The following RFC3 variants were observed in gnomAD, a reference collection of about 807,000 sequenced individuals.
RFC3 encodes the protein A1 38 kDa subunit.
A neutral mutation model predicts 45.1 loss-of-function variants in RFC3; 41 were observed. The ratio of observed to expected loss-of-function variants is 0.91; its 90% CI spans 0.71 to 1.18. The LOEUF is 1.18. Among genes scored for constraint, RFC3 ranks in the 50% most tolerant of loss-of-function variants. The pLI, the probability that RFC3 is intolerant of heterozygous loss-of-function variation, is 0.00. For synonymous variants in RFC3, 149 were observed against 144.0 expected (o/e 1.03, Z -0.25); for missense variants, 423 against 428.1 (o/e 0.99, Z 0.10).
chr13:33,843,815 CT>C (rs2082217613), intron 8 of RFC3, among the ~76,000 whole-genome samples: 1 of 152,186 alleles, frequency 6.6e-6, no homozygotes, highest in African/African-American at 2.4e-5. Flanking sequence ...TCCACAATGC[CT>C]TTTTCAAAAC....
At chr13:33,851,529 T>C (rs2082276537) in intron 8 of RFC3, among the ~76,000 whole-genome samples, 2 of 152,134 alleles carry the variant, frequency 1.3e-5, no homozygotes, top group Admixed American at 6.6e-5. Flanking sequence ...TCTAAAAATA[T>C]ATATTTACTA....
At chr13:33,957,036 C>A (rs925693365) in intron 8 of RFC3, among the ~76,000 whole-genome samples, 5 of 152,188 alleles carry the variant, frequency 3.3e-5, no homozygotes, top group African/African-American at 7.2e-5. Context: ...TATCCATGAT[C>A]ATCGTCAACT....
intron 8 of RFC3, among the ~76,000 whole-genome samples, chr13:33,934,087 G>C (rs2082870904): frequency 6.6e-6 from 1 of 152,004 alleles, no homozygotes; most frequent in Non-Finnish European, 1.5e-5. Context: ...AGAGCATGTA[G>C]GAGGATGGCG....
intron 8 of RFC3, chr13:33,849,605 A>C (rs935725478): frequency 1.3e-5 from 2 of 152,120 alleles, no homozygotes; most frequent in African/African-American, 4.8e-5. Flanking sequence ...AGAGTAGGCC[A>C]GGCTCAGTGG....
chr13:33,958,619 C>T (rs1224940025), intron 8 of RFC3, among the ~76,000 whole-genome samples: 1 of 152,166 alleles, frequency 6.6e-6, no homozygotes, highest in Non-Finnish European at 1.5e-5. Context: ...AGGAAATAAT[C>T]TTGTTTACTA....
chr13:33,951,039 C>CTTTTTTTTTTTTTTTTTTT (rs926664684), intron 8 of RFC3, among the ~76,000 whole-genome samples: 1 of 60,804 alleles, frequency 1.6e-5, no homozygotes, highest in Non-Finnish European at 2.9e-5. Flanking sequence ...TCTGATGGCT[C>CTTTTTTTTTTTTTTTTTTT]TTTTTTTTTT....
chr13:33,886,205 A>G (rs1273193725), intron 8 of RFC3, among the ~76,000 whole-genome samples: 2 of 152,152 alleles, frequency 1.3e-5, no homozygotes, highest in Non-Finnish European at 2.9e-5. Context: ...GCGTAGACAT[A>G]GCCACATGCC....
chr13:33,904,071 T>C (rs1025749568), intron 8 of RFC3, among the ~76,000 whole-genome samples: 1 of 152,076 alleles, frequency 6.6e-6, no homozygotes, highest in African/African-American at 2.4e-5. Context: ...ATTTCTGAAA[T>C]GCTATCTGAA....
At chr13:33,972,943 C>T in the RFC3 span, among the ~76,000 whole-genome samples, 1 of 152,072 alleles carries the variant, frequency 6.6e-6, no homozygotes, top group Non-Finnish European at 1.5e-5. Context: ...GCATAAGAAT[C>T]GCCACAGTGA....
intron 8 of RFC3, among the ~76,000 whole-genome samples, chr13:33,924,486 A>G (rs1015491383): frequency 4.0e-5 from 6 of 151,888 alleles, no homozygotes; most frequent in Non-Finnish European, 7.4e-5. Flanking sequence ...ATGACAAAGT[A>G]GAGTAGTTGT....
intron 8 of RFC3, among the ~76,000 whole-genome samples, chr13:33,875,009 C>T (rs1243903672): frequency 1.3e-5 from 2 of 152,178 alleles, no homozygotes; most frequent in Admixed American, 6.5e-5. Flanking sequence ...ATTGAAAATG[C>T]AACAGCGGAT....
intron 8 of RFC3, among the ~76,000 whole-genome samples, chr13:33,957,163 G>T (rs1049201630): frequency 1.4e-4 from 22 of 152,090 alleles, no homozygotes; most frequent in African/African-American, 4.6e-4. Flanking sequence ...AAATGTGTAG[G>T]TTATTTATTT....
At chr13:33,848,072 A>G (rs2082251253) in intron 8 of RFC3, 1 of 152,184 alleles carries the variant, frequency 6.6e-6, no homozygotes, top group African/African-American at 2.4e-5. Flanking sequence ...CTCCATTTAT[A>G]TGAGCTCAAA....
chr13:33,844,856 A>G (rs1018222473), intron 8 of RFC3, among the ~76,000 whole-genome samples: 1 of 152,154 alleles, frequency 6.6e-6, no homozygotes, highest in Non-Finnish European at 1.5e-5. Flanking sequence ...TTGTCTATGT[A>G]CTTACTATTG....
chr13:33,821,312 G>A (rs1220960396), intron 2 of RFC3, 43 bp downstream of exon 2: 1 of 1,599,264 alleles, frequency 6.3e-7, no homozygotes, highest in South Asian at 1.1e-5. Flanking sequence ...TTTATAGCGG[G>A]GACTTTCAGT....
At chr13:33,828,440 A>G (rs1296541688) in intron 4 of RFC3, among the ~76,000 whole-genome samples, 1 of 152,180 alleles carries the variant, frequency 6.6e-6, no homozygotes, top group East Asian at 1.9e-4. Flanking sequence ...TCATTTTGGT[A>G]TTCTCAGAGT....
At chr13:33,944,753 C>CA (rs2082944860) in intron 8 of RFC3, among the ~76,000 whole-genome samples, 1 of 152,128 alleles carries the variant, frequency 6.6e-6, no homozygotes, top group Non-Finnish European at 1.5e-5. Context: ...GCCCCACCCA[C>CA]ACGCACACAC....
chr13:33,925,203 TAC>T (rs2082798147), intron 8 of RFC3, among the ~76,000 whole-genome samples: 1 of 131,322 alleles, frequency 7.6e-6, no homozygotes, highest in African/African-American at 3.0e-5. Context: ...ACTATATACA[TAC>T]ACATATAGTG....
chr13:33,954,006 G>A (rs1294959487), intron 8 of RFC3, among the ~76,000 whole-genome samples: 2 of 152,144 alleles, frequency 1.3e-5, no homozygotes, highest in Non-Finnish European at 2.9e-5. Flanking sequence ...CCTCAGGCAT[G>A]TTCTACAAAC....
Sources: gnomAD v4.1 joint callset for allele counts (sites outside exome capture counted in the v4.1 genomes callset) on GRCh38, gnomAD v4.1.1 for gene constraint, MANE v1.5 for transcripts, NCBI Gene and HGNC (gene_info 2026-07-23, HGNC 2026-07-21) for gene names.